NRXN1: variants seen among roughly 807,000 people sequenced by gnomAD.
NRXN1 encodes the protein neurexin 1.
A neutral mutation model predicts 150.9 loss-of-function variants in NRXN1; 39 were observed. The ratio of observed to expected loss-of-function variants is 0.26; its 90% CI spans 0.20 to 0.34. The LOEUF is 0.34. Ranked by LOEUF, NRXN1 falls within the 10% of genes least tolerant of loss-of-function variation. The pLI is 1.00. For missense variants in NRXN1, 1,815 were observed against 1,949.9 expected (o/e 0.93, Z 1.30); for synonymous variants, 924 against 757.0 (o/e 1.22, Z -3.62).
At chr2:50,547,977 C>A (rs890358896) in intron 9 of NRXN1, among the ~76,000 whole-genome samples, 3 of 152,130 alleles carry the variant, frequency 2.0e-5, no homozygotes, top group African/African-American at 7.2e-5. Flanking sequence ...TAACCAGTTA[C>A]AATCAGTTTT....
At chr2:50,532,078 T>C (rs1442617951) in intron 10 of NRXN1, among the ~76,000 whole-genome samples, 2 of 152,110 alleles carry the variant, frequency 1.3e-5, no homozygotes, top group Non-Finnish European at 2.9e-5. Context: ...CTCAAACTCC[T>C]GGACTCCAGT....
chr2:50,519,031 C>G (rs1314582484), intron 12 of NRXN1, among the ~76,000 whole-genome samples: 1 of 151,726 alleles, frequency 6.6e-6, no homozygotes, highest in Non-Finnish European at 1.5e-5. Flanking sequence ...CTTTATGGAC[C>G]TATTTGCTTA....
chr2:50,732,417 T>C (rs759094477), intron 5 of NRXN1, among the ~76,000 whole-genome samples: 11 of 152,112 alleles, frequency 7.2e-5, no homozygotes, highest in Non-Finnish European at 1.5e-4. Context: ...CTAAGAGGAA[T>C]AGTAGTTATC....
At chr2:50,079,057 G>A (rs977924836) in intron 19 of NRXN1, among the ~76,000 whole-genome samples, 3 of 152,008 alleles carry the variant, frequency 2.0e-5, no homozygotes, top group Non-Finnish European at 2.9e-5. Flanking sequence ...TGGGTGAGCT[G>A]TCTCTGCTTC....
At chr2:50,009,397 T>C (rs1442362890) in intron 21 of NRXN1, among the ~76,000 whole-genome samples, 4 of 152,138 alleles carry the variant, frequency 2.6e-5, no homozygotes, top group African/African-American at 7.2e-5. Context: ...CATGGTAACA[T>C]AGAGGCTCAA....
chr2:50,067,734 A>G (rs1244266261), intron 19 of NRXN1, among the ~76,000 whole-genome samples: 1 of 152,208 alleles, frequency 6.6e-6, no homozygotes, highest in East Asian at 1.9e-4. Context: ...AGAAAAATGA[A>G]AAGTAAGAGC....
intron 8 of NRXN1, among the ~76,000 whole-genome samples, chr2:50,609,106 C>A (rs1677608282): frequency 6.6e-6 from 1 of 152,086 alleles, no homozygotes; most frequent in African/African-American, 2.4e-5. Context: ...AGGGATATGG[C>A]TCTGATAATA....
At chr2:50,901,871 A>C (rs1325015001) in intron 5 of NRXN1, among the ~76,000 whole-genome samples, 1 of 152,344 alleles carries the variant, frequency 6.6e-6, no homozygotes, top group African/African-American at 2.4e-5. Context: ...AAAATGTTTA[A>C]AAATGTTTTC....
intron 21 of NRXN1, among the ~76,000 whole-genome samples, chr2:49,999,647 G>C (rs930356729): frequency 1.8e-4 from 27 of 152,214 alleles, no homozygotes; most frequent in African/African-American, 6.5e-4. Context: ...TAACTGTTAA[G>C]AAAGTAAAAC....
At chr2:50,335,605 C>T (rs28533650) in intron 17 of NRXN1, among the ~76,000 whole-genome samples, 1,578 of 151,586 alleles carry the variant, frequency 0.01, 18 homozygotes, top group African/African-American at 0.036. Context: ...AAATATTCAA[C>T]ACTAAACTGC....
chr2:50,492,402 C>T (rs2091303111), intron 15 of NRXN1, among the ~76,000 whole-genome samples: 1 of 152,116 alleles, frequency 6.6e-6, no homozygotes, highest in Non-Finnish European at 1.5e-5. Flanking sequence ...TCATTAGATT[C>T]CTACCCATTT....
chr2:50,222,038 T>C (rs925813613), intron 18 of NRXN1, among the ~76,000 whole-genome samples: 2 of 151,968 alleles, frequency 1.3e-5, no homozygotes, highest in Admixed American at 6.6e-5. Flanking sequence ...AAAAAGTGAC[T>C]AGAGGCAAAA....
At chr2:50,039,463 C>T (rs760053228) in intron 21 of NRXN1, among the ~76,000 whole-genome samples, 66 of 151,676 alleles carry the variant, frequency 4.4e-4, no homozygotes, top group Non-Finnish European at 4.9e-4. Context: ...GAGACTTGGT[C>T]TCATAAGTAA....
At chr2:50,920,867 C>T (rs1480498010) in intron 5 of NRXN1, among the ~76,000 whole-genome samples, 1 of 151,678 alleles carries the variant, frequency 6.6e-6, no homozygotes, top group African/African-American at 2.4e-5. Flanking sequence ...CTATTTTACA[C>T]ATTTAAAATT....
At chr2:50,555,824 A>G (rs562030139) in intron 8 of NRXN1, among the ~76,000 whole-genome samples, 17 of 152,324 alleles carry the variant, frequency 1.1e-4, no homozygotes, top group African/African-American at 3.1e-4. Context: ...GTGCATATCC[A>G]GTTCATAATT....
At chr2:50,777,756 G>A (rs1703843709) in intron 5 of NRXN1, among the ~76,000 whole-genome samples, 1 of 152,172 alleles carries the variant, frequency 6.6e-6, no homozygotes, top group Admixed American at 6.5e-5. Context: ...ACAAGGGACA[G>A]AAAAGTAGCA....
rs1670629331 is a variant in NRXN1, at chr2:51,027,187, G to C, written c.772+315C>G. Among the ~76,000 whole-genome samples the C allele has an allele frequency of 2.0e-5, 3 of 152,318 alleles. No homozygotes were observed. The South Asian group carries it at 6.2e-4, about 32-fold the overall frequency. On this transcript the variant is annotated intron_variant, in intron 2 of 22. Transcript: ENST00000401669. The stretch of plus-strand genomic sequence containing the variant: ...TATAGGTGGGCCGCGGCCCAATATA[G>C]GGCCCAACCTGCCAAAGAACCCGAG...
chr2:50,664,440 G>GTGTGTGTGTGT (rs1355580575), intron 5 of NRXN1, among the ~76,000 whole-genome samples: 1 of 118,348 alleles, frequency 8.4e-6, no homozygotes, highest in African/African-American at 3.1e-5. Flanking sequence ...TGTGTGTGTG[G>GTGTGTGTGTGT]CGTGGCGGGG....
chr2:50,576,226 A>G (rs1364777207), intron 8 of NRXN1, among the ~76,000 whole-genome samples: 3 of 152,160 alleles, frequency 2.0e-5, no homozygotes, highest in African/African-American at 7.2e-5. Flanking sequence ...ATCAGAAAAA[A>G]TCATATATGG....
Sources: gnomAD v4.1 joint callset for allele counts (sites outside exome capture counted in the v4.1 genomes callset) on GRCh38, gnomAD v4.1.1 for gene constraint, MANE v1.5 for transcripts, NCBI Gene and HGNC (gene_info 2026-07-23, HGNC 2026-07-21) for gene names.